Variants in PRRX1 observed in about 807,000 individuals in gnomAD.
PRRX1 encodes paired mesoderm homeobox protein 1.
Under a neutral mutation model 24.0 loss-of-function variants are expected in PRRX1, and 8 were observed. The observed-to-expected ratio is 0.33, with a 90% confidence interval of 0.20 to 0.60. PRRX1 has a LOEUF of 0.60. Ranked by LOEUF, PRRX1 falls within the 20% of genes least tolerant of loss-of-function variation. PRRX1 has a pLI of 0.82. For synonymous variants in PRRX1, 160 were observed against 131.7 expected, an observed-to-expected ratio of 1.22 and a Z score of -1.47; for missense variants, 281 against 322.4, an observed-to-expected ratio of 0.87 and a Z score of 0.98.
chr1:170,670,516 C>T (rs1242877514), intron 1 of PRRX1, among the ~76,000 whole-genome samples: 1 of 151,818 alleles, frequency 6.6e-6, no homozygotes, highest in African/African-American at 2.4e-5. Flanking sequence ...TGTAGATGTT[C>T]TTGAGTAATA....
intron 1 of PRRX1, among the ~76,000 whole-genome samples, chr1:170,679,605 T>C (rs1268331335): frequency 6.6e-6 from 1 of 152,138 alleles, no homozygotes; most frequent in Non-Finnish European, 1.5e-5. Flanking sequence ...TTCACCGTGT[T>C]AGCCAGGATG....
At chr1:170,683,880 A>G (rs902630624) in intron 1 of PRRX1, among the ~76,000 whole-genome samples, 1 of 152,194 alleles carries the variant, frequency 6.6e-6, no homozygotes, top group Non-Finnish European at 1.5e-5. Flanking sequence ...GTCAGAAATC[A>G]GTTAGGTCTT....
intron 1 of PRRX1, among the ~76,000 whole-genome samples, chr1:170,671,074 T>C (rs1010512259): frequency 2.6e-5 from 4 of 152,204 alleles, no homozygotes; most frequent in African/African-American, 9.7e-5. Flanking sequence ...AATCTGAAAT[T>C]CATGTATTAA....
Position 170,736,351 on chromosome 1 carries a change from C to A in PRRX1, c.*165C>A. 5 of 940,294 alleles carry A rather than the reference C, an allele frequency of 5.3e-6. No homozygotes were observed. The highest frequency in any genetic ancestry group is 6.4e-6 in the Non-Finnish European group (4 of 629,380). 58.2% of individuals were successfully genotyped at this position (940,294 alleles called of 1,614,324 possible). On this transcript the variant is annotated 3_prime_UTR_variant, in exon 4 of 4. Coordinates refer to ENST00000239461, the MANE Select transcript of PRRX1 (RefSeq NM_022716.4). ...ATGGCAGAGAAAAGCAGGAGAGGAGCAAAATGAAAATTAGTTAACAAATGT... is the reference window on the plus strand; with the variant it reads ...ATGGCAGAGAAAAGCAGGAGAGGAGAAAAATGAAAATTAGTTAACAAATGT...
chr1:170,733,656 G>C (rs1362077657), intron 3 of PRRX1, among the ~76,000 whole-genome samples: 2 of 151,894 alleles, frequency 1.3e-5, no homozygotes, highest in Non-Finnish European at 2.9e-5. Context: ...TCATCTTTAG[G>C]GCTTAATTCT....
chr1:170,726,364 A>G lies in PRRX1; in HGVS notation c.562A>G (p.Thr188Ala). The G allele has an allele frequency of 6.2e-7, 1 of 1,613,900 alleles. No individual in the cohort carries two copies. Among genetic ancestry groups the G allele is most frequent in the Non-Finnish European group, 8.5e-7 (1 of 1,179,940 alleles). ...CGTACCTCGTCCTGCTCCGAGACCCACCGATTATCTCTCCTGGGGGACAGC... is the reference window on the plus strand; with the variant it reads ...CGTACCTCGTCCTGCTCCGAGACCCGCCGATTATCTCTCCTGGGGGACAGC... ...PIVPRPAPRP[T>A]DYLSWGTASP... Residue 188 changes from threonine to alanine, a missense_variant, in exon 3 of 4, where the codon ACC (threonine) becomes GCC (alanine). Coordinates refer to ENST00000239461, the MANE Select transcript of PRRX1 (RefSeq NM_022716.4).
At chr1:170,688,287 G>C (rs1653813571) in intron 1 of PRRX1, among the ~76,000 whole-genome samples, 1 of 152,048 alleles carries the variant, frequency 6.6e-6, no homozygotes, top group Admixed American at 6.6e-5. Flanking sequence ...GTTATATAGT[G>C]TTAATATATA....
At chr1:170,696,580 G>C (rs949833600) in intron 1 of PRRX1, among the ~76,000 whole-genome samples, 5 of 152,130 alleles carry the variant, frequency 3.3e-5, no homozygotes, top group Admixed American at 1.3e-4. Flanking sequence ...ATTTGTGCTA[G>C]AGATTAATAT....
At chr1:170,735,493 A>C (rs1487212253) in intron 3 of PRRX1, among the ~76,000 whole-genome samples, 3 of 152,246 alleles carry the variant, frequency 2.0e-5, no homozygotes, top group African/African-American at 7.2e-5. Flanking sequence ...CAGTAAATTA[A>C]GAATGGCAGA....
chr1:170,729,830 C>T (rs575759142), intron 3 of PRRX1, among the ~76,000 whole-genome samples: 41 of 152,270 alleles, frequency 2.7e-4, no homozygotes, highest in Non-Finnish European at 4.6e-4. Context: ...TTGTTTTTGG[C>T]ACACACACCC....
chr1:170,729,260 T>C (rs995094722), intron 3 of PRRX1, among the ~76,000 whole-genome samples: 1 of 152,220 alleles, frequency 6.6e-6, no homozygotes, highest in Non-Finnish European at 1.5e-5. Context: ...GCAAGAGATA[T>C]CTCAGATCAG....
At chr1:170,663,596 C>T (rs1652801202), upstream of PRRX1, 1 of 152,068 alleles carries the variant, frequency 6.6e-6, no homozygotes, top group African/African-American at 2.4e-5. Context: ...TTTAGTCACT[C>T]CTGAGAATCC....
intron 1 of PRRX1, among the ~76,000 whole-genome samples, chr1:170,718,991 G>C (rs1220510994): frequency 1.3e-5 from 2 of 152,190 alleles, no homozygotes; most frequent in Admixed American, 1.3e-4. Context: ...TAGAACTCAA[G>C]TTTGAGTGAA....
At chr1:170,664,107 C>CTCTCTCTCTCTCTCTCTCAA, upstream of PRRX1, 1 of 1,091,256 alleles carries the variant, frequency 9.2e-7, no homozygotes, top group Non-Finnish European at 1.3e-6. Context: ...CTCTCTCTCT[C>CTCTCTCTCTCTCTCTCTCAA]CACTACCCCC....
intron 1 of PRRX1, among the ~76,000 whole-genome samples, chr1:170,694,604 C>T (rs1056610749): frequency 8.5e-5 from 13 of 152,120 alleles, no homozygotes; most frequent in African/African-American, 3.1e-4. Context: ...TACTTTAAAT[C>T]TGGGAAATGT....
At chr1:170,707,247 G>T (rs960654866) in intron 1 of PRRX1, among the ~76,000 whole-genome samples, 6 of 152,098 alleles carry the variant, frequency 3.9e-5, no homozygotes, top group African/African-American at 1.4e-4. Flanking sequence ...AAAGGAATAA[G>T]TTTAATGATA....
At chr1:170,685,697 G>A (rs1653707082) in intron 1 of PRRX1, among the ~76,000 whole-genome samples, 1 of 151,694 alleles carries the variant, frequency 6.6e-6, no homozygotes, top group South Asian at 2.1e-4. Context: ...GATCTGAAGA[G>A]GGCACAATGT....
chr1:170,666,193 G>A (rs964561325), intron 1 of PRRX1, among the ~76,000 whole-genome samples: 20 of 152,072 alleles, frequency 1.3e-4, no homozygotes, highest in African/African-American at 2.4e-4. Flanking sequence ...GGCCGAGGCG[G>A]GCAGATCACG....
intron 1 of PRRX1, among the ~76,000 whole-genome samples, chr1:170,707,487 T>C (rs936378291): frequency 1.6e-4 from 25 of 152,226 alleles, no homozygotes; most frequent in Admixed American, 3.9e-4. Context: ...TCTTCTTTAA[T>C]TGATTTAATG....
Sources: gnomAD v4.1 joint callset for allele counts (sites outside exome capture counted in the v4.1 genomes callset) on GRCh38, gnomAD v4.1.1 for gene constraint, MANE v1.5 for transcripts, NCBI Gene and HGNC (gene_info 2026-07-23, HGNC 2026-07-21) for gene names.